The following TBC1D2 variants were observed in gnomAD, a reference collection of about 807,000 sequenced individuals.
The protein encoded by TBC1D2 is TBC1 domain family member 2.
A neutral mutation model predicts 91.1 loss-of-function variants in TBC1D2; 58 were observed. The ratio of observed to expected loss-of-function variants is 0.64; its 90% CI spans 0.52 to 0.79. TBC1D2 has a LOEUF of 0.79. TBC1D2 is among the 30% of genes least tolerant of loss of function. TBC1D2 has a pLI of 0.00. For missense variants in TBC1D2, 1,080 were observed against 1,208.3 expected (o/e 0.89, Z 1.57); for synonymous variants, 482 against 511.5 (o/e 0.94, Z 0.78).
At chr9:98,212,774 G>A (rs1233001970) in intron 7 of TBC1D2, among the ~76,000 whole-genome samples, 1 of 152,136 alleles carries the variant, frequency 6.6e-6, no homozygotes, top group African/African-American at 2.4e-5. Context: ...AAAGTGCTGG[G>A]ATTACAGGTG....
intron 2 of TBC1D2, among the ~76,000 whole-genome samples, chr9:98,249,431 A>T (rs1829828645): frequency 6.6e-6 from 1 of 152,226 alleles, no homozygotes; most frequent in Non-Finnish European, 1.5e-5. Flanking sequence ...TGAGGATCCC[A>T]GAGCCGTTCT....
chr9:98,202,339 TCTC>T (rs1462146718), intron 10 of TBC1D2, among the ~76,000 whole-genome samples: 1 of 152,166 alleles, frequency 6.6e-6, no homozygotes, highest in African/African-American at 2.4e-5. Flanking sequence ...CTTTCGTGGT[TCTC>T]CTCCTCCCTC....
Position 98,213,136 on chromosome 9 carries a change from GCCAC to G in TBC1D2, c.1453_1456del (p.Val485LeufsTer8). 1 of 1,614,134 alleles carries G rather than the reference GCCAC, an allele frequency of 6.2e-7. No individual in the cohort carries two copies. Among genetic ancestry groups the G allele is most frequent in the East Asian group, 2.2e-5 (1 of 44,884 alleles). On this transcript the variant is annotated frameshift_variant, in exon 7 of 13. Coordinates refer to ENST00000465784, the MANE Select transcript of TBC1D2 (RefSeq NM_001267571.2). LOFTEE classifies it high-confidence loss of function. ...CGTCAGAAGGGCCTTCTCCTTCTCAGCCACCTTTCTCCAGATCTTTGTGACCTGG... is the reference window on the plus strand; with the variant it reads ...CGTCAGAAGGGCCTTCTCCTTCTCAGCTTTCTCCAGATCTTTGTGACCTGG...
At position 98,250,133 on chromosome 9, in the gene TBC1D2, G is replaced by T. The variant is rs139101260; in HGVS notation, c.511+1652C>A. Among the ~76,000 whole-genome samples, 176 of 152,288 alleles carry T rather than the reference G, an allele frequency of 1.2e-3. 1 individual carries two copies. The highest frequency in any genetic ancestry group is 4.0e-3 in the African/African-American group (166 of 41,564). On this transcript the variant is annotated intron_variant, in intron 2 of 12. Coordinates refer to ENST00000465784, the MANE Select transcript of TBC1D2 (RefSeq NM_001267571.2). Reference sequence around the variant, plus strand: ...TGAGAAGGCTTCCAGGAGGAGGCTGGCAAGAAGAGAAGGCAATGCTGGAGC... The same window carrying T: ...TGAGAAGGCTTCCAGGAGGAGGCTGTCAAGAAGAGAAGGCAATGCTGGAGC...
intron 6 of TBC1D2, among the ~76,000 whole-genome samples, chr9:98,216,687 G>A (rs966239468): frequency 6.6e-6 from 1 of 152,072 alleles, no homozygotes; most frequent in Non-Finnish European, 1.5e-5. Context: ...TGTGCTCATG[G>A]ATATTTATTT....
intron 6 of TBC1D2, among the ~76,000 whole-genome samples, chr9:98,218,136 C>T (rs1172426940): frequency 2.0e-5 from 3 of 152,092 alleles, no homozygotes; most frequent in Admixed American, 6.5e-5. Flanking sequence ...CAGGTGTGAG[C>T]CACCCATGCC....
At position 98,220,277 on chromosome 9, in the gene TBC1D2, G is replaced by A. The variant is rs115366178; in HGVS notation, c.1374+556C>T. ...ATCTGTAAAGGGGGAGCACACCAGC[G>A]GCTGCCTCACCTCACAGGGCTGGCG... On this transcript the variant is annotated intron_variant, in intron 6 of 12. Transcript: ENST00000465784. Among the ~76,000 whole-genome samples, 1,512 of 152,266 alleles carry A rather than the reference G, an allele frequency of 9.9e-3. 22 individuals are homozygous for A. Among genetic ancestry groups the A allele is most frequent in the African/African-American group, 0.034 (1,425 of 41,532 alleles).
chr9:98,218,054 T>C (rs1829010643), intron 6 of TBC1D2, among the ~76,000 whole-genome samples: 1 of 152,026 alleles, frequency 6.6e-6, no homozygotes, highest in South Asian at 2.1e-4. Context: ...TCTTGCTATG[T>C]TTCCCCGGCT....
chr9:98,254,904 C>T (rs1310196181), intron 1 of TBC1D2, among the ~76,000 whole-genome samples: 1 of 152,182 alleles, frequency 6.6e-6, no homozygotes, highest in Non-Finnish European at 1.5e-5. Flanking sequence ...CCAAGCTACC[C>T]TACTCTCTAG....
rs183894637 is a variant in TBC1D2, at chr9:98,203,268, C to T, written c.2271+20G>A. 6.2e-7 allele frequency: 1 copy of T among 1,613,794 alleles called. No individual in the cohort carries two copies. Among genetic ancestry groups the T allele is most frequent in the Non-Finnish European group, 8.5e-7 (1 of 1,179,776 alleles). On this transcript the variant is annotated intron_variant, in intron 10 of 12. Coordinates refer to ENST00000465784, the MANE Select transcript of TBC1D2 (RefSeq NM_001267571.2). ...GCACTGCCCTACATGGCTGCAAAGT[C>T]CCCTCCTGGCCCCACTTACCTGGGA...
intron 6 of TBC1D2, among the ~76,000 whole-genome samples, chr9:98,219,574 C>T (rs542425916): frequency 2.0e-5 from 3 of 152,190 alleles, no homozygotes; most frequent in Non-Finnish European, 4.4e-5. Flanking sequence ...TAGCCTACTA[C>T]GCACCCAGCT....
At chr9:98,231,466 C>T (rs1377076875) in intron 4 of TBC1D2, among the ~76,000 whole-genome samples, 1 of 151,890 alleles carries the variant, frequency 6.6e-6, no homozygotes, top group East Asian at 1.9e-4. Flanking sequence ...GTGTAAACAC[C>T]GTTTAACACA....
chr9:98,227,781 CAAAAA>C (rs142610908), intron 5 of TBC1D2, among the ~76,000 whole-genome samples: 2 of 106,044 alleles, frequency 1.9e-5, no homozygotes, highest in African/African-American at 3.3e-5. Context: ...GACTCTGTCT[CAAAAA>C]AAAAAAAAAA....
chr9:98,199,349 G>A lies in TBC1D2; in HGVS notation c.*32C>T, dbSNP rs1360203754. 11 of 1,611,006 alleles carry A rather than the reference G, an allele frequency of 6.8e-6. No homozygotes were observed. The highest frequency in any genetic ancestry group is 9.3e-6 in the Non-Finnish European group (11 of 1,179,062). Reference sequence around the variant, plus strand: ...TCCAGTGGGTCTGCCAGCCAAGGGTGAGGAAGGCTGTGGGGAGGGGAGGTG... The same window carrying A: ...TCCAGTGGGTCTGCCAGCCAAGGGTAAGGAAGGCTGTGGGGAGGGGAGGTG... On this transcript the variant is annotated 3_prime_UTR_variant, in exon 13 of 13. Transcript: ENST00000465784.
intron 2 of TBC1D2, among the ~76,000 whole-genome samples, chr9:98,245,709 GT>G (rs974914514): frequency 7.2e-5 from 11 of 151,924 alleles, no homozygotes; most frequent in Non-Finnish European, 1.2e-4. Context: ...GTATTTTACT[GT>G]TTTTTTTCCA....
intron 10 of TBC1D2, 23 bp from the exon 11 acceptor site, chr9:98,201,687 G>A (rs371036180): frequency 1.3e-6 from 2 of 1,599,094 alleles, no homozygotes; most frequent in Admixed American, 1.7e-5. Context: ...GAGAGGGCCT[G>A]TCATCTGCAG....
intron 9 of TBC1D2, among the ~76,000 whole-genome samples, 192 bp from the exon 10 acceptor site, chr9:98,203,600 G>A (rs756710772): frequency 7.2e-5 from 11 of 152,160 alleles, no homozygotes; most frequent in South Asian, 4.1e-4. Flanking sequence ...GAGGATGACC[G>A]GCGATTTCCA....
At chr9:98,210,954 C>G in intron 7 of TBC1D2, 111 bp from the exon 8 acceptor site, 1 of 984,372 alleles carries the variant, frequency 1.0e-6, no homozygotes, top group East Asian at 2.7e-5. Context: ...TCATCTGCCC[C>G]ACTCCCAACT....
intron 7 of TBC1D2, among the ~76,000 whole-genome samples, chr9:98,211,206 A>G (rs1363938024): frequency 6.6e-6 from 1 of 152,234 alleles, no homozygotes. Flanking sequence ...CTGTAAAATG[A>G]GGATCATACA....
Sources: gnomAD v4.1 joint callset for allele counts (sites outside exome capture counted in the v4.1 genomes callset) on GRCh38, gnomAD v4.1.1 for gene constraint, MANE v1.5 for transcripts, NCBI Gene and HGNC (gene_info 2026-07-23, HGNC 2026-07-21) for gene names.